Variants in GNG13 observed in about 807,000 individuals in gnomAD.
GNG13 encodes G protein subunit gamma 13.
In GNG13, 12 loss-of-function variants were observed where a neutral mutation model predicts 8.2. The ratio of observed to expected loss-of-function variants is 1.47; its 90% CI spans 0.94 to 2.38. The LOEUF (loss-of-function observed/expected upper bound fraction) is 2.38. Ranked by LOEUF, GNG13 falls within the 30% of genes most tolerant of loss-of-function variation. GNG13 has a pLI of 0.00. For synonymous variants in GNG13, 45 were observed against 33.0 expected, an observed-to-expected ratio of 1.37 and a Z score of -1.25; for missense variants, 100 against 85.2, an observed-to-expected ratio of 1.17 and a Z score of -0.68.
rs1411131831 is a variant in GNG13, at chr16:799,131, G to T, written c.-34-20C>A. 1 of 1,062,642 alleles carries T rather than the reference G, an allele frequency of 9.4e-7. No homozygotes were observed. The allele number at this position is 1,062,642 out of a possible 1,614,324, so 65.8% of individuals were successfully genotyped here. A position where few individuals can be genotyped will look rare whatever the true frequency, so the allele number is the denominator to read the frequency against. The stretch of plus-strand genomic sequence containing the variant: ...CTGGGGCTGGAGGGCACAGGAGGAA[G>T]CCACAGGGCCGAGGCCACCAGCCTG... On this transcript the variant is annotated intron_variant, in intron 1 of 2. Transcript: ENST00000248150.
In GNG13 at chr16:799,006, C is replaced by T; in HGVS notation, c.72G>A (p.Arg24=). Residue 24 remains arginine (R), a synonymous_variant, in exon 2 of 3, where the codon CGG becomes CGA. Coordinates refer to ENST00000248150, the MANE Select transcript of GNG13 (RefSeq NM_016541.3). ...CGGGGATGGTCTTGGACGCCATCTC[C>T]CGCTGGAAGGCCAGCTGGTACTTGA... ...ESLKYQLAFQ[R]EMASKTIPEL... is the part of the protein sequence containing the mutation. The T allele has an allele frequency of 6.2e-7, 1 of 1,609,272 alleles. No homozygotes were observed. Among genetic ancestry groups the T allele is most frequent in the Non-Finnish European group, 8.5e-7 (1 of 1,175,864 alleles).
rs769482553 is a variant in GNG13, at chr16:798,053, G to A, written c.*666C>T. The stretch of plus-strand genomic sequence containing the variant: ...AGGAAGCTGGAGATGTCTTTATAAA[G>A]TCACACCTTTACAGACTGTAATCAC... On this transcript the variant is annotated 3_prime_UTR_variant, in exon 3 of 3. Coordinates refer to ENST00000248150, the MANE Select transcript of GNG13 (RefSeq NM_016541.3). 26 of 1,528,324 alleles carry A rather than the reference G, an allele frequency of 1.7e-5. No homozygotes were observed. Among genetic ancestry groups the A allele is most frequent in the East Asian group, 1.4e-4 (6 of 43,856 alleles). The allele number at this position is 1,528,324 out of a possible 1,614,324, so 94.7% of individuals were successfully genotyped here. A position where few individuals can be genotyped will look rare whatever the true frequency, so the allele number is the denominator to read the frequency against.
In GNG13 at chr16:798,622, G is replaced by T; in HGVS notation, c.*97C>A. The T allele has an allele frequency of 1.2e-6, 1 of 822,740 alleles. No individual in the cohort carries two copies. The highest frequency in any genetic ancestry group is 2.1e-6 in the Non-Finnish European group (1 of 470,046). The allele number at this position is 822,740 out of a possible 1,614,324, so 51.0% of individuals were successfully genotyped here. A position where few individuals can be genotyped will look rare whatever the true frequency, so the allele number is the denominator to read the frequency against. On this transcript the variant is annotated 3_prime_UTR_variant, in exon 3 of 3. Coordinates refer to ENST00000248150, the MANE Select transcript of GNG13 (RefSeq NM_016541.3). The stretch of plus-strand genomic sequence containing the variant: ...GTGGGGCTGGGAGTGGGACTCACAG[G>T]ATGGAGTGAGTGGGGCTGGGCACAG...
chr16:798,864 C>T (rs768440907), intron 2 of GNG13, 40 bp from the exon 3 acceptor site: 29 of 1,420,658 alleles, frequency 2.0e-5, no homozygotes, highest in Admixed American at 5.0e-5. Context: ...TGGCACCTGA[C>T]CCCCGAGGGC....
Position 798,233 on chromosome 16 carries a change from C to T in GNG13, c.*486G>A, listed in dbSNP as rs534967602. 1.4e-5 allele frequency: 8 copies of T among 579,602 alleles called. No homozygotes were observed. The highest frequency in any genetic ancestry group is 2.4e-5 in the Non-Finnish European group (8 of 334,270). The allele number at this position is 579,602 out of a possible 1,614,324, so 35.9% of individuals were successfully genotyped here. ...TAGAGTGAGTGGGGCCGGGCGTGGT[C>T]TCACAGGATGGAGTGAATGGGGCCG... On this transcript the variant is annotated 3_prime_UTR_variant, in exon 3 of 3. Transcript: ENST00000248150.
At position 798,146 on chromosome 16, in the gene GNG13, A is replaced by G; in HGVS notation, c.*573T>C. 4.6e-6 allele frequency: 4 copies of G among 868,934 alleles called. No individual in the cohort carries two copies. The East Asian group carries it at 7.7e-5, about 17-fold the overall frequency. The allele number at this position is 868,934 out of a possible 1,614,324, so 53.8% of individuals were successfully genotyped here. Reference sequence around the variant, plus strand: ...GGGCGTGGGCTCATAGGATGGTGTGAGTGGGGCCAGGAGTGGGGCTCACAG... The same window carrying G: ...GGGCGTGGGCTCATAGGATGGTGTGGGTGGGGCCAGGAGTGGGGCTCACAG... On this transcript the variant is annotated 3_prime_UTR_variant, in exon 3 of 3. Transcript: ENST00000248150.
At position 798,753 on chromosome 16, in the gene GNG13, G is replaced by A; in HGVS notation, c.170C>T (p.Pro57Leu). 4 of 1,612,612 alleles carry A rather than the reference G, an allele frequency of 2.5e-6. No homozygotes were observed. The highest frequency in any genetic ancestry group is 2.5e-6 in the Non-Finnish European group (3 of 1,178,904). Residue 57 changes from proline (P) to leucine (L), a missense_variant, in exon 3 of 3, where the codon CCA (proline) becomes CTA (leucine). Transcript: ENST00000248150. ...FLNPDLMKNN[P>L]WVEKGKCTIL is the part of the protein sequence containing the mutation. ...GGTGCATTTGCCCTTTTCCACCCAT[G>A]GGTTGTTCTTCATCAGGTCGGGGTT...
At position 798,962 on chromosome 16, in the gene GNG13, G is replaced by A; in HGVS notation, c.98+18C>T. The A allele has an allele frequency of 6.6e-7, 1 of 1,508,200 alleles. No homozygotes were observed. Among genetic ancestry groups the A allele is most frequent in the Non-Finnish European group, 9.2e-7 (1 of 1,083,798 alleles). The allele number at this position is 1,508,200 out of a possible 1,614,324, so 93.4% of individuals were successfully genotyped here. ...GGGCAGACAAATGAGAGGCAAATCA[G>A]GCAGGTGGGGCACTCACTCGGGGAT... On this transcript the variant is annotated intron_variant, in intron 2 of 2. Transcript: ENST00000248150.
At position 798,953 on chromosome 16, in the gene GNG13, G is replaced by A. The variant is rs369749348; in HGVS notation, c.98+27C>T. ...GCCAGCGCAGGGCAGACAAATGAGAGGCAAATCAGGCAGGTGGGGCACTCA... is the reference window on the plus strand; with the variant it reads ...GCCAGCGCAGGGCAGACAAATGAGAAGCAAATCAGGCAGGTGGGGCACTCA... On this transcript the variant is annotated intron_variant, in intron 2 of 2. Transcript: ENST00000248150. The A allele has an allele frequency of 7.2e-4, 1,055 of 1,458,506 alleles. 2 individuals are homozygous for A. The highest frequency in any genetic ancestry group is 9.3e-4 in the Non-Finnish European group (971 of 1,038,652). The allele number at this position is 1,458,506 out of a possible 1,614,324, so 90.3% of individuals were successfully genotyped here. A position where few individuals can be genotyped will look rare whatever the true frequency, so the allele number is the denominator to read the frequency against.
chr16:798,853 G>C, intron 2 of GNG13, 29 bp from the exon 3 acceptor site: 6 of 1,491,064 alleles, frequency 4.0e-6, no homozygotes, highest in Non-Finnish European at 5.6e-6. Flanking sequence ...CAGGTGAGTG[G>C]TGGCACCTGA....
Position 798,159 on chromosome 16 carries a change from G to C in GNG13, c.*560C>G. 1 of 797,572 alleles carries C rather than the reference G, an allele frequency of 1.3e-6. No homozygotes were observed. The highest frequency in any genetic ancestry group is 2.0e-6 in the Non-Finnish European group (1 of 499,638). The allele number at this position is 797,572 out of a possible 1,614,324, so 49.4% of individuals were successfully genotyped here. On this transcript the variant is annotated 3_prime_UTR_variant, in exon 3 of 3. Coordinates refer to ENST00000248150, the MANE Select transcript of GNG13 (RefSeq NM_016541.3). ...TAGGATGGTGTGAGTGGGGCCAGGA[G>C]TGGGGCTCACAGGATGGTGGGAGTG...
intron 1 of GNG13, among the ~76,000 whole-genome samples, chr16:800,139 G>A (rs549604992): frequency 1.1e-4 from 17 of 152,272 alleles, no homozygotes; most frequent in African/African-American, 2.6e-4. Context: ...GGGAGGCCGG[G>A]GAGCGAGCGG....
Position 798,615 on chromosome 16 carries a change from C to T in GNG13, c.*104G>A. The T allele has an allele frequency of 1.2e-6, 1 of 802,312 alleles. No individual in the cohort carries two copies. Among genetic ancestry groups the T allele is most frequent in the Non-Finnish European group, 2.2e-6 (1 of 456,760 alleles). 49.7% of individuals were successfully genotyped at this position (802,312 alleles called of 1,614,324 possible). ...GGTGGGAGTGGGGCTGGGAGTGGGA[C>T]TCACAGGATGGAGTGAGTGGGGCTG... On this transcript the variant is annotated 3_prime_UTR_variant, in exon 3 of 3. Transcript: ENST00000248150.
chr16:798,832 T>C lies in GNG13; in HGVS notation c.99-8A>G. 1 of 1,592,042 alleles carries C rather than the reference T, an allele frequency of 6.3e-7. No individual in the cohort carries two copies. The highest frequency in any genetic ancestry group is 8.6e-7 in the Non-Finnish European group (1 of 1,162,000). Reference sequence around the variant, plus strand: ...TCGATCCACTTCAGCAGCCTGCGGGTGGGCGGGTGGCAGGTGAGTGGTGGC... The same window carrying C: ...TCGATCCACTTCAGCAGCCTGCGGGCGGGCGGGTGGCAGGTGAGTGGTGGC... On this transcript the variant is annotated splice_region_variant and splice_polypyrimidine_tract_variant and intron_variant, in intron 2 of 2. Transcript: ENST00000248150.
Position 798,676 on chromosome 16 carries a change from G to T in GNG13, c.*43C>A. 2 of 1,169,796 alleles carry T rather than the reference G, an allele frequency of 1.7e-6. No homozygotes were observed. The highest frequency in any genetic ancestry group is 2.6e-6 in the Non-Finnish European group (2 of 776,600). 72.5% of individuals were successfully genotyped at this position (1,169,796 alleles called of 1,614,324 possible). ...TACAAGATGGTGGGAGTGGGGCCGG[G>T]CGTGGTCTCACAGGATGGTGTGAGA... On this transcript the variant is annotated 3_prime_UTR_variant, in exon 3 of 3. Coordinates refer to ENST00000248150, the MANE Select transcript of GNG13 (RefSeq NM_016541.3).
chr16:800,312 C>G (rs926741903), intron 1 of GNG13, among the ~76,000 whole-genome samples: 29 of 152,190 alleles, frequency 1.9e-4, no homozygotes, highest in Non-Finnish European at 4.1e-4. Context: ...CGGGTCCTCC[C>G]AGGCCCGGGG....
chr16:798,897 G>C, intron 2 of GNG13, 73 bp from the exon 3 acceptor site: 1 of 1,353,826 alleles, frequency 7.4e-7, no homozygotes, highest in Non-Finnish European at 1.1e-6. Flanking sequence ...CTGCCTGTCG[G>C]CGGCGGTGGT....
intron 1 of GNG13, among the ~76,000 whole-genome samples, chr16:799,707 TCTGGGAACCACACACGTTAC>T (rs1343553636): frequency 6.6e-6 from 1 of 151,886 alleles, no homozygotes; most frequent in Non-Finnish European, 1.5e-5. Flanking sequence ...CCCCAGTGTG[TCTGGGAACCACACACGTTAC>T]CTGCGTGCTT....
intron 1 of GNG13, among the ~76,000 whole-genome samples, chr16:800,438 CGGTG>C (rs1254962406): frequency 2.6e-5 from 4 of 152,210 alleles, no homozygotes; most frequent in African/African-American, 4.8e-5. Context: ...CCACGGGACT[CGGTG>C]GGCACTGCAG....
Sources: allele counts gnomAD v4.1 joint callset (sites outside exome capture counted in the v4.1 genomes callset), GRCh38; gene constraint gnomAD v4.1.1; transcripts MANE v1.5; gene names NCBI Gene and HGNC (gene_info 2026-07-23, HGNC 2026-07-21).